MYRIP: variants seen among roughly 807,000 people sequenced by gnomAD.
MYRIP encodes the protein rab effector MyRIP.
In MYRIP, 49 loss-of-function variants were observed where a neutral mutation model predicts 98.0. That is an observed-to-expected ratio of 0.50 (90% CI 0.40 to 0.63). The LOEUF (loss-of-function observed/expected upper bound fraction) is 0.63, where lower values mean the gene tolerates loss of function less well. MYRIP is among the 30% of genes least tolerant of loss of function. MYRIP has a pLI of 0.00. For missense variants in MYRIP, 1,004 were observed against 1,058.2 expected (o/e 0.95, Z 0.71); for synonymous variants, 404 against 409.5 (o/e 0.99, Z 0.16).
At chr3:40,242,618 G>A (rs1194294549) in intron 12 of MYRIP, 3 of 152,130 alleles carry the variant, frequency 2.0e-5, no homozygotes, top group Admixed American at 2.0e-4. Context: ...TAAAATCAAG[G>A]TTCCAAGACC....
At chr3:40,246,931 C>T (rs1261013114) in intron 13 of MYRIP, among the ~76,000 whole-genome samples, 2 of 152,028 alleles carry the variant, frequency 1.3e-5, no homozygotes, top group African/African-American at 4.8e-5. Context: ...GCCCTGTTGA[C>T]TATTATCAGT....
At chr3:39,903,057 T>C (rs1231687822) in intron 2 of MYRIP, among the ~76,000 whole-genome samples, 1 of 152,206 alleles carries the variant, frequency 6.6e-6, no homozygotes, top group Non-Finnish European at 1.5e-5. Context: ...GGACATTTTT[T>C]CTCTGAAGAC....
At chr3:40,113,614 G>A (rs1949206759) in intron 3 of MYRIP, among the ~76,000 whole-genome samples, 1 of 152,174 alleles carries the variant, frequency 6.6e-6, no homozygotes, top group Non-Finnish European at 1.5e-5. Flanking sequence ...AATTCTAGAT[G>A]GCCCAAAGAT....
At chr3:40,232,781 G>A (rs1010365238) in intron 11 of MYRIP, 4 of 152,208 alleles carry the variant, frequency 2.6e-5, no homozygotes, top group Admixed American at 2.0e-4. Flanking sequence ...CCCAAATCCG[G>A]GTTGATTGTA....
chr3:39,999,482 C>G (rs1055363346), intron 2 of MYRIP, among the ~76,000 whole-genome samples: 1 of 152,196 alleles, frequency 6.6e-6, no homozygotes, highest in African/African-American at 2.4e-5. Context: ...GAGATACCAT[C>G]TCACACCAGT....
intron 9 of MYRIP, among the ~76,000 whole-genome samples, chr3:40,185,838 T>G (rs1951020153): frequency 1.3e-5 from 2 of 152,104 alleles, no homozygotes; most frequent in South Asian, 4.1e-4. Flanking sequence ...CAGGAGAAGC[T>G]GTAGACAGCA....
chr3:39,966,056 C>T (rs534446551), intron 2 of MYRIP, among the ~76,000 whole-genome samples: 9 of 152,236 alleles, frequency 5.9e-5, no homozygotes, highest in Middle Eastern at 3.4e-3. Flanking sequence ...GAGCTTCTGT[C>T]CCTGTAGCTA....
At chr3:39,833,291 A>AT (rs1941509954) in intron 1 of MYRIP, among the ~76,000 whole-genome samples, 1 of 152,120 alleles carries the variant, frequency 6.6e-6, no homozygotes, top group African/African-American at 2.4e-5. Flanking sequence ...ATAAATGGGA[A>AT]TTTTTTTGGG....
intron 3 of MYRIP, chr3:40,071,104 A>G: frequency 3.1e-6 from 3 of 981,534 alleles, no homozygotes; most frequent in Non-Finnish European, 3.6e-6. Flanking sequence ...AAAGCACAGG[A>G]AGAAGAGAGT....
At chr3:40,068,108 C>T (rs9868419) in intron 3 of MYRIP, among the ~76,000 whole-genome samples, 43,912 of 151,928 alleles carry the variant, frequency 0.29, 6,393 homozygotes, top group East Asian at 0.35. Context: ...CCCATGAATG[C>T]CTTTGTACAG....
chr3:40,236,492 G>T (rs970539320), intron 12 of MYRIP, among the ~76,000 whole-genome samples: 5 of 152,196 alleles, frequency 3.3e-5, no homozygotes, highest in Non-Finnish European at 7.3e-5. Flanking sequence ...TTGAGGAGTT[G>T]TGTGTTTGGT....
intron 3 of MYRIP, among the ~76,000 whole-genome samples, chr3:40,076,474 C>A (rs555140037): frequency 6.6e-6 from 1 of 152,302 alleles, no homozygotes; most frequent in East Asian, 1.9e-4. Context: ...AATCACTGGG[C>A]CAGGGCACAG....
At chr3:39,848,643 A>G (rs2125603138) in intron 1 of MYRIP, among the ~76,000 whole-genome samples, 1 of 152,358 alleles carries the variant, frequency 6.6e-6, no homozygotes, top group South Asian at 2.1e-4. Flanking sequence ...GTACTTTCAG[A>G]TGACAAATAT....
At chr3:40,162,529 G>C (rs1477022446) in intron 4 of MYRIP, among the ~76,000 whole-genome samples, 4 of 152,172 alleles carry the variant, frequency 2.6e-5, no homozygotes, top group Non-Finnish European at 5.9e-5. Flanking sequence ...GCTGCACCAG[G>C]AATCAGTGTG....
chr3:40,031,995 C>A (rs886090142), intron 2 of MYRIP, among the ~76,000 whole-genome samples: 1 of 152,046 alleles, frequency 6.6e-6, no homozygotes, highest in African/African-American at 2.4e-5. Flanking sequence ...TCCTTCAGTT[C>A]TGCTCTGATT....
At chr3:40,022,551 A>C (rs1022216771) in intron 2 of MYRIP, among the ~76,000 whole-genome samples, 25 of 152,252 alleles carry the variant, frequency 1.6e-4, no homozygotes, top group African/African-American at 5.8e-4. Context: ...TCATGGAGGC[A>C]TTGTTTTTGA....
intron 11 of MYRIP, among the ~76,000 whole-genome samples, chr3:40,218,625 T>TATATA (rs59996251): frequency 0.012 from 210 of 17,070 alleles, 3 homozygotes; most frequent in African/African-American, 0.02. Flanking sequence ...TATATATATA[T>TATATA]ATATATATAT....
At chr3:39,931,958 C>T (rs1944547635) in intron 2 of MYRIP, among the ~76,000 whole-genome samples, 1 of 152,130 alleles carries the variant, frequency 6.6e-6, no homozygotes, top group African/African-American at 2.4e-5. Flanking sequence ...GAATATTGGT[C>T]TGTACTTTTC....
At position 40,182,351 on chromosome 3, in the gene MYRIP, T is replaced by C. The variant is rs764508604; in HGVS notation, c.1005T>C (p.Ser335=). Residue 335 remains serine, a synonymous_variant, in exon 9 of 17, where the codon AGT becomes AGC. Coordinates refer to ENST00000302541, the MANE Select transcript of MYRIP (RefSeq NM_015460.4). The part of the protein sequence containing the change: ...RAESALPSWK[S]VDRLDETNLA... ...AGTCTGCTCTGCCCAGCTGGAAGAG[T>C]GTGGACAGGCTGGATGAAACAAGTA... The C allele has an allele frequency of 1.2e-5, 19 of 1,612,240 alleles. No individual in the cohort carries two copies. The highest frequency in any genetic ancestry group is 1.6e-5 in the Non-Finnish European group (19 of 1,179,328).
Sources: gnomAD v4.1 joint callset for allele counts (sites outside exome capture counted in the v4.1 genomes callset) on GRCh38, gnomAD v4.1.1 for gene constraint, MANE v1.5 for transcripts, NCBI Gene and HGNC (gene_info 2026-07-23, HGNC 2026-07-21) for gene names.